The following EGR1 variants were observed in gnomAD, a reference collection of about 807,000 sequenced individuals.
EGR1 encodes the protein early growth response protein 1.
Under a neutral mutation model 30.2 loss-of-function variants are expected in EGR1, and 8 were observed. That is an observed-to-expected ratio of 0.26 (90% CI 0.16 to 0.48). The LOEUF is 0.48. Ranked by LOEUF, EGR1 falls within the 20% of genes least tolerant of loss-of-function variation. The pLI is 0.99. For synonymous variants in EGR1, 334 were observed against 312.8 expected, an observed-to-expected ratio of 1.07 and a Z score of -0.72; for missense variants, 568 against 732.3, an observed-to-expected ratio of 0.78 and a Z score of 2.59.
chr5:138,467,026 G>A lies in EGR1; in HGVS notation c.577G>A (p.Ala193Thr). The part of the protein sequence containing the change: ...SASQSPPLSC[A>T]VPSNDSSPIY... ...CTCCCAGAGCCCACCCCTGAGCTGC[G>A]CAGTGCCATCCAACGACAGCAGTCC... Residue 193 changes from alanine (A) to threonine (T), a missense_variant, in exon 2 of 2, where the codon GCA (alanine) becomes ACA (threonine). Ala to Thr is a moderately conservative substitution (Grantham distance 58). This residue lies in a region of EGR1 where 415 missense variants were observed against 445.2 expected (regional missense o/e 0.93). Transcript: ENST00000239938. The surrounding 1 kb of genome is among the most constrained non-coding windows in gnomAD (Gnocchi z 8.3). 1 of 1,613,946 alleles carries A rather than the reference G, an allele frequency of 6.2e-7. No individual in the cohort carries two copies. The highest frequency in any genetic ancestry group is 8.5e-7 in the Non-Finnish European group (1 of 1,180,010).
Position 138,467,508 on chromosome 5 carries a change from C to T in EGR1, c.1059C>T (p.Asp353=). 6.2e-7 allele frequency: 1 copy of T among 1,611,096 alleles called. No individual in the cohort carries two copies. ...GTGATCGCCGCTTCTCCCGCTCCGACGAGCTCACCCGCCACATCCGCATCC... is the reference window on the plus strand; with the variant it reads ...GTGATCGCCGCTTCTCCCGCTCCGATGAGCTCACCCGCCACATCCGCATCC... The part of the protein sequence containing the change: ...ESCDRRFSRS[D]ELTRHIRIHT... The change falls in exon 2 of 2, where the codon GAC becomes GAT. Residue 353 remains aspartate, a synonymous_variant. Coordinates refer to ENST00000239938, the MANE Select transcript of EGR1 (RefSeq NM_001964.3). The surrounding 1 kb of genome is among the most constrained non-coding windows in gnomAD (Gnocchi z 8.3).
rs1161443205 is a variant in EGR1, at chr5:138,468,272, C to T, written c.*191C>T. The T allele has an allele frequency of 1.6e-6, 2 of 1,265,936 alleles. No homozygotes were observed. The highest frequency in any genetic ancestry group is 4.0e-5 in the Admixed American group (2 of 50,408). 78.4% of individuals were successfully genotyped at this position (1,265,936 alleles called of 1,614,324 possible). A position where few individuals can be genotyped will look rare whatever the true frequency, so the allele number is the denominator to read the frequency against. On this transcript the variant is annotated 3_prime_UTR_variant, in exon 2 of 2. Transcript: ENST00000239938. ...ATCCTTTCTGCCCACTTCCCCTTCC[C>T]CAATTACTATTCCCTTTGACTTCAG...
chr5:138,467,261 A>G lies in EGR1; in HGVS notation c.812A>G (p.Gln271Arg). Reference sequence around the variant, plus strand: ...GATCTGGGCCTGGGCACCCCAGACCAGAAGCCCTTCCAGGGCCTGGAGAGC... The same window carrying G: ...GATCTGGGCCTGGGCACCCCAGACCGGAAGCCCTTCCAGGGCCTGGAGAGC... ...QGDLGLGTPD[Q>R]KPFQGLESRT... Residue 271 changes from glutamine to arginine, a missense_variant, in exon 2 of 2, where the codon CAG becomes CGG. By Grantham distance (43) the Gln-to-Arg change is conservative. Coordinates refer to ENST00000239938, the MANE Select transcript of EGR1 (RefSeq NM_001964.3). The surrounding 1 kb of genome is among the most constrained non-coding windows in gnomAD (Gnocchi z 8.3). The G allele has an allele frequency of 1.9e-6, 3 of 1,613,986 alleles. No individual in the cohort carries two copies. The highest frequency in any genetic ancestry group is 2.5e-6 in the Non-Finnish European group (3 of 1,180,002).
rs765056384 is a variant in EGR1, at chr5:138,466,116, G to A, written c.307+48G>A. Reference sequence around the variant, plus strand: ...GGGGAACCCTTTCGCCACCATCCTGGCGTCCTGTCCTTCACCGCAGGAGTG... The same window carrying A: ...GGGGAACCCTTTCGCCACCATCCTGACGTCCTGTCCTTCACCGCAGGAGTG... On this transcript the variant is annotated intron_variant, in intron 1 of 1. Transcript: ENST00000239938. The A allele has an allele frequency of 5.3e-6, 8 of 1,497,644 alleles. No homozygotes were observed. In the Admixed American group the frequency reaches 1.6e-4, roughly 30 times the overall value. The allele number at this position is 1,497,644 out of a possible 1,614,324, so 92.8% of individuals were successfully genotyped here. A position where few individuals can be genotyped will look rare whatever the true frequency, so the allele number is the denominator to read the frequency against.
intron 1 of EGR1, 85 bp downstream of exon 1, chr5:138,466,153 TAGA>T: frequency 6.9e-7 from 1 of 1,443,786 alleles, no homozygotes; most frequent in Non-Finnish European, 9.1e-7. Flanking sequence ...TCCTGGATCT[TAGA>T]ATGAGAGCCG....
Position 138,465,587 on chromosome 5 carries a change from G to T in EGR1, c.-175G>T. 1.8e-6 allele frequency: 1 copy of T among 554,070 alleles called. No individual in the cohort carries two copies. The highest frequency in any genetic ancestry group is 2.7e-6 in the Non-Finnish European group (1 of 369,632). The allele number at this position is 554,070 out of a possible 1,614,324, so 34.3% of individuals were successfully genotyped here. ...CTGCCCCAGCCTCCGCAGCCGCGGC[G>T]CGTCCACGCCCGCCCGCGCCCAGGG... On this transcript the variant is annotated 5_prime_UTR_variant, in exon 1 of 2. Transcript: ENST00000239938.
chr5:138,465,604 C>A lies in EGR1; in HGVS notation c.-158C>A. The A allele has an allele frequency of 2.6e-6, 2 of 755,364 alleles. No individual in the cohort carries two copies. The highest frequency in any genetic ancestry group is 3.7e-6 in the Non-Finnish European group (2 of 542,042). 46.8% of individuals were successfully genotyped at this position (755,364 alleles called of 1,614,324 possible). ...GCCGCGGCGCGTCCACGCCCGCCCG[C>A]GCCCAGGGCGAGTCGGGGTCGCCGC... On this transcript the variant is annotated 5_prime_UTR_variant, in exon 1 of 2. Transcript: ENST00000239938.
At position 138,467,261 on chromosome 5, in the gene EGR1, A is replaced by T. The variant is rs1485160735; in HGVS notation, c.812A>T (p.Gln271Leu). The change falls in exon 2 of 2, where the codon CAG (glutamine) becomes CTG (leucine). Residue 271 changes from glutamine to leucine, a missense_variant. Gln to Leu is a moderately radical substitution (Grantham distance 113). Coordinates refer to ENST00000239938, the MANE Select transcript of EGR1 (RefSeq NM_001964.3). This position sits in a 1 kb window ranked among gnomAD's most constrained non-coding sequence, Gnocchi z 8.3. ...GATCTGGGCCTGGGCACCCCAGACC[A>T]GAAGCCCTTCCAGGGCCTGGAGAGC... Reference protein sequence around the residue: ...QGDLGLGTPDQKPFQGLESRT... With the variant: ...QGDLGLGTPDLKPFQGLESRT... 1 of 1,613,986 alleles carries T rather than the reference A, an allele frequency of 6.2e-7. No individual in the cohort carries two copies. The highest frequency in any genetic ancestry group is 2.2e-5 in the East Asian group (1 of 44,864).
At position 138,467,312 on chromosome 5, in the gene EGR1, C is replaced by T; in HGVS notation, c.863C>T (p.Pro288Leu). 6.2e-7 allele frequency: 1 copy of T among 1,614,146 alleles called. No individual in the cohort carries two copies. Among genetic ancestry groups the T allele is most frequent in the Non-Finnish European group, 8.5e-7 (1 of 1,180,030 alleles). ...CGCACCCAGCAGCCTTCGCTAACCC[C>T]TCTGTCTACTATTAAGGCCTTTGCC... Reference protein sequence around the residue: ...ESRTQQPSLTPLSTIKAFATQ... With the variant: ...ESRTQQPSLTLLSTIKAFATQ... Residue 288 changes from proline to leucine, a missense_variant, in exon 2 of 2, where the codon CCT (proline) becomes CTT (leucine). Physicochemically the swap from Pro to Leu is moderately conservative, Grantham distance 98. Transcript: ENST00000239938. The surrounding 1 kb of genome is among the most constrained non-coding windows in gnomAD (Gnocchi z 8.3).
At position 138,467,090 on chromosome 5, in the gene EGR1, C is replaced by G. The variant is rs947294211; in HGVS notation, c.641C>G (p.Thr214Ser). Residue 214 changes from threonine to serine, a missense_variant, in exon 2 of 2, where the codon ACT becomes AGT. By Grantham distance (58) the Thr-to-Ser change is moderately conservative. This residue lies in a region of EGR1 where 415 missense variants were observed against 445.2 expected (regional missense o/e 0.93). Coordinates refer to ENST00000239938, the MANE Select transcript of EGR1 (RefSeq NM_001964.3). This position sits in a 1 kb window ranked among gnomAD's most constrained non-coding sequence, Gnocchi z 8.3. Reference protein sequence around the residue: ...SAAPTFPTPNTDIFPEPQSQA... With the variant: ...SAAPTFPTPNSDIFPEPQSQA... ...GCACCCACCTTCCCCACGCCGAACA[C>G]TGACATTTTCCCTGAGCCACAAAGC... is the stretch of plus-strand genomic sequence containing the variant. 6 of 1,613,884 alleles carry G rather than the reference C, an allele frequency of 3.7e-6. No homozygotes were observed. In the African/African-American group the frequency reaches 6.7e-5, roughly 18 times the overall value.
In EGR1 at chr5:138,467,490, C is replaced by T; in HGVS notation, c.1041C>T (p.Arg347=). The part of the protein sequence containing the change: ...PYACPVESCD[R]RFSRSDELTR... ...CTTGCCCAGTGGAGTCCTGTGATCG[C>T]CGCTTCTCCCGCTCCGACGAGCTCA... The change falls in exon 2 of 2, where the codon CGC becomes CGT. Residue 347 remains arginine, a synonymous_variant. Transcript: ENST00000239938. The surrounding 1 kb of genome is among the most constrained non-coding windows in gnomAD (Gnocchi z 8.3). The T allele has an allele frequency of 1.2e-6, 2 of 1,612,704 alleles. No individual in the cohort carries two copies. The highest frequency in any genetic ancestry group is 1.7e-6 in the Non-Finnish European group (2 of 1,179,986).
rs771768339 is a variant in EGR1, at chr5:138,467,088, C to T, written c.639C>T (p.Asn213=). The T allele has an allele frequency of 6.2e-7, 1 of 1,613,996 alleles. No homozygotes were observed. The highest frequency in any genetic ancestry group is 8.5e-7 in the Non-Finnish European group (1 of 1,180,028). The change falls in exon 2 of 2, where the codon AAC becomes AAT. Residue 213 remains asparagine, a synonymous_variant. Coordinates refer to ENST00000239938, the MANE Select transcript of EGR1 (RefSeq NM_001964.3). The surrounding 1 kb of genome is among the most constrained non-coding windows in gnomAD (Gnocchi z 8.3). The part of the protein sequence containing the change: ...YSAAPTFPTP[N]TDIFPEPQSQ... Reference sequence around the variant, plus strand: ...CGGCACCCACCTTCCCCACGCCGAACACTGACATTTTCCCTGAGCCACAAA... The same window carrying T: ...CGGCACCCACCTTCCCCACGCCGAATACTGACATTTTCCCTGAGCCACAAA...
rs113180988 is a variant in EGR1 at position 138,465,994 on chromosome 5, ACAG to A, written c.251_253del (p.Ser84del). 1.9e-4 allele frequency: 306 copies of A among 1,599,036 alleles called. No individual in the cohort carries two copies. Among genetic ancestry groups the A allele is most frequent in the Admixed American group, 5.7e-4 (34 of 59,146 alleles). ...GGTGGAGGCGGCGGGGGCGGCAGCA[ACAG>A]CAGCAGCAGCAGCAGCACCTTCAAC... is the stretch of plus-strand genomic sequence containing the variant. On this transcript the variant is annotated inframe_deletion, in exon 1 of 2. Coordinates refer to ENST00000239938, the MANE Select transcript of EGR1 (RefSeq NM_001964.3).
Position 138,468,198 on chromosome 5 carries a change from A to G in EGR1, c.*117A>G. ...CCTCTTAGGTCAGATGGAGGTTCTC[A>G]GAGCCAAGTCCTCCCTCTCTACTGG... is the stretch of plus-strand genomic sequence containing the variant. On this transcript the variant is annotated 3_prime_UTR_variant, in exon 2 of 2. Coordinates refer to ENST00000239938, the MANE Select transcript of EGR1 (RefSeq NM_001964.3). The G allele has an allele frequency of 6.6e-7, 1 of 1,511,556 alleles. No homozygotes were observed. Among genetic ancestry groups the G allele is most frequent in the Non-Finnish European group, 8.9e-7 (1 of 1,128,872 alleles). The allele number at this position is 1,511,556 out of a possible 1,614,324, so 93.6% of individuals were successfully genotyped here.
chr5:138,466,921 G>T lies in EGR1; in HGVS notation c.472G>T (p.Val158Phe). 1 of 1,613,954 alleles carries T rather than the reference G, an allele frequency of 6.2e-7. No individual in the cohort carries two copies. Among genetic ancestry groups the T allele is most frequent in the Non-Finnish European group, 8.5e-7 (1 of 1,179,998 alleles). Residue 158 changes from valine to phenylalanine, a missense_variant, in exon 2 of 2, where the codon GTC becomes TTC. Val to Phe is a conservative substitution (Grantham distance 50). Coordinates refer to ENST00000239938, the MANE Select transcript of EGR1 (RefSeq NM_001964.3). The stretch of plus-strand genomic sequence containing the variant: ...GTGGCCCGAGCCCCTCTTCAGCTTG[G>T]TCAGTGGCCTAGTGAGCATGACCAA... ...TLWPEPLFSL[V>F]SGLVSMTNPP... is the part of the protein sequence containing the mutation.
In EGR1 at chr5:138,467,392, C is replaced by G. The variant is rs2127037582; in HGVS notation, c.943C>G (p.Leu315Val). Residue 315 changes from leucine (L) to valine (V), a missense_variant, in exon 2 of 2, where the codon CTC becomes GTC. Physicochemically the swap from Leu to Val is conservative, Grantham distance 32. Transcript: ENST00000239938. The surrounding 1 kb of genome is among the most constrained non-coding windows in gnomAD (Gnocchi z 8.3). ...KALNTSYQSQ[L>V]IKPSRMRKYP... ...CCTCAATACCAGCTACCAGTCCCAG[C>G]TCATCAAACCCAGCCGCATGCGCAA... is the stretch of plus-strand genomic sequence containing the variant. 1 of 1,614,236 alleles carries G rather than the reference C, an allele frequency of 6.2e-7. No individual in the cohort carries two copies. Among genetic ancestry groups the G allele is most frequent in the Non-Finnish European group, 8.5e-7 (1 of 1,180,046 alleles).
chr5:138,465,652 C>T lies in EGR1; in HGVS notation c.-110C>T. On this transcript the variant is annotated 5_prime_UTR_variant, in exon 1 of 2. Coordinates refer to ENST00000239938, the MANE Select transcript of EGR1 (RefSeq NM_001964.3). ...CGCCTGCACGCTTCTCAGTGTTCCC[C>T]GCGCCCCGCATGTAACCCGGCCAGG... 1 of 1,282,404 alleles carries T rather than the reference C, an allele frequency of 7.8e-7. No individual in the cohort carries two copies. Among genetic ancestry groups the T allele is most frequent in the Non-Finnish European group, 1.0e-6 (1 of 975,592 alleles). The allele number at this position is 1,282,404 out of a possible 1,614,324, so 79.4% of individuals were successfully genotyped here.
In EGR1 at chr5:138,467,583, C is replaced by T. The variant is rs1272505325; in HGVS notation, c.1134C>T (p.Ser378=). The T allele has an allele frequency of 6.2e-7, 1 of 1,613,988 alleles. No homozygotes were observed. Among genetic ancestry groups the T allele is most frequent in the Non-Finnish European group, 8.5e-7 (1 of 1,180,040 alleles). ...FQCRICMRNF[S]RSDHLTTHIR... Reference sequence around the variant, plus strand: ...GCCGCATCTGCATGCGCAACTTCAGCCGCAGCGACCACCTCACCACCCACA... The same window carrying T: ...GCCGCATCTGCATGCGCAACTTCAGTCGCAGCGACCACCTCACCACCCACA... Residue 378 remains serine, a synonymous_variant, in exon 2 of 2, where the codon AGC becomes AGT. Transcript: ENST00000239938. The surrounding 1 kb of genome is among the most constrained non-coding windows in gnomAD (Gnocchi z 8.3).
chr5:138,465,746 A>C lies in EGR1; in HGVS notation c.-16A>C. On this transcript the variant is annotated 5_prime_UTR_variant, in exon 1 of 2. Transcript: ENST00000239938. Reference sequence around the variant, plus strand: ...CCCCCCGCCCCGACACCAGCTCTCCAGCCTGCTCGTCCAGGATGGCCGCGG... The same window carrying C: ...CCCCCCGCCCCGACACCAGCTCTCCCGCCTGCTCGTCCAGGATGGCCGCGG... 1 of 1,561,116 alleles carries C rather than the reference A, an allele frequency of 6.4e-7. No individual in the cohort carries two copies. The highest frequency in any genetic ancestry group is 8.7e-7 in the Non-Finnish European group (1 of 1,149,634).
Sources: gnomAD v4.1 joint callset for allele counts on GRCh38, gnomAD v4.1.1 for gene constraint, gnomAD v4.1.1 regional missense constraint, Gnocchi (gnomAD v3.1) non-coding constraint, MANE v1.5 for transcripts, NCBI Gene and HGNC (gene_info 2026-07-23, HGNC 2026-07-21) for gene names.